FAM3B: variants seen among roughly 807,000 people sequenced by gnomAD.
FAM3B encodes the protein protein FAM3B.
FAM3B carries 29 observed loss-of-function variants against 28.4 expected under a neutral mutation model. The ratio of observed to expected loss-of-function variants is 1.02; its 90% CI spans 0.76 to 1.39. FAM3B has a LOEUF of 1.39. Among genes scored for constraint, FAM3B ranks in the 40% most tolerant of loss-of-function variants. FAM3B has a pLI of 0.00. For synonymous variants in FAM3B, 91 were observed against 103.0 expected (o/e 0.88, Z 0.71); for missense variants, 266 against 293.9 (o/e 0.91, Z 0.69).
At chr21:41,354,192 G>A (rs142471879) in intron 7 of FAM3B, among the ~76,000 whole-genome samples, 19 of 151,424 alleles carry the variant, frequency 1.3e-4, no homozygotes, top group African/African-American at 4.2e-4. Flanking sequence ...GCTGGTGGAA[G>A]TGTAAATTAG....
At chr21:41,307,712 G>C (rs563644504) in intron 1 of FAM3B, among the ~76,000 whole-genome samples, 1 of 152,270 alleles carries the variant, frequency 6.6e-6, no homozygotes, top group African/African-American at 2.4e-5. Context: ...GGGAATAGCT[G>C]GTTAATGGAG....
At chr21:41,310,452 C>T (rs2088703073) in intron 1 of FAM3B, among the ~76,000 whole-genome samples, 1 of 152,186 alleles carries the variant, frequency 6.6e-6, no homozygotes, top group Non-Finnish European at 1.5e-5. Flanking sequence ...GTGAGTGGCA[C>T]AAGTTCCATA....
chr21:41,320,502 C>A (rs547644441), intron 1 of FAM3B: 1 of 152,454 alleles, frequency 6.6e-6, no homozygotes, highest in African/African-American at 2.4e-5. Context: ...TTGTCTGTCA[C>A]CTCCTGGCTA....
chr21:41,353,663 A>G (rs1470804465), intron 7 of FAM3B, among the ~76,000 whole-genome samples: 1 of 152,266 alleles, frequency 6.6e-6, no homozygotes, highest in East Asian at 1.9e-4. Flanking sequence ...TTAAGTAACA[A>G]TAAATCAAAT....
rs1343571287 is a variant in FAM3B at position 41,316,912 on chromosome 21, C to T, written c.19+14C>T. ...CATTGGCTGGTGGTGAGTGCGCCCC[C>T]GCCTCGGGGCGAGGGTAGGGGCGGG... is the stretch of plus-strand genomic sequence containing the variant. On this transcript the variant is annotated intron_variant, in intron 1 of 7. Transcript: ENST00000357985. 2.2e-6 allele frequency: 3 copies of T among 1,356,022 alleles called. No homozygotes were observed. The highest frequency in any genetic ancestry group is 1.5e-5 in the African/African-American group (1 of 66,470). The allele number at this position is 1,356,022 out of a possible 1,614,324, so 84.0% of individuals were successfully genotyped here. A position where few individuals can be genotyped will look rare whatever the true frequency, so the allele number is the denominator to read the frequency against.
chr21:41,338,541 C>T (rs1471189493), intron 3 of FAM3B, 40 bp downstream of exon 3: 1 of 1,610,590 alleles, frequency 6.2e-7, no homozygotes, highest in Non-Finnish European at 8.5e-7. Flanking sequence ...AGCGATCCTA[C>T]TGATTCTTGC....
At chr21:41,347,133 C>T in intron 6 of FAM3B, 33 bp downstream of exon 6, 1 of 1,594,672 alleles carries the variant, frequency 6.3e-7, no homozygotes, top group East Asian at 2.2e-5. Context: ...CAGCGGTGGG[C>T]AAGAGAAGCC....
Position 41,344,543 on chromosome 21 carries a change from C to G in FAM3B, c.346+9C>G, listed in dbSNP as rs752194482. 1 of 1,611,774 alleles carries G rather than the reference C, an allele frequency of 6.2e-7. No individual in the cohort carries two copies. Among genetic ancestry groups the G allele is most frequent in the African/African-American group, 1.3e-5 (1 of 74,882 alleles). ...CATTGCCATTGTCAACTGTAAGTTA[C>G]TAAACATTTTCTTTAAACTTCTCTA... On this transcript the variant is annotated intron_variant, in intron 4 of 7. Transcript: ENST00000357985.
chr21:41,356,564 T>G (rs1446565371), intron 7 of FAM3B, among the ~76,000 whole-genome samples: 1 of 152,186 alleles, frequency 6.6e-6, no homozygotes, highest in African/African-American at 2.4e-5. Flanking sequence ...CCACCATGAG[T>G]TGGGGACCAT....
intron 1 of FAM3B, among the ~76,000 whole-genome samples, chr21:41,310,710 A>G (rs2088704054): frequency 6.6e-6 from 1 of 152,212 alleles, no homozygotes; most frequent in East Asian, 1.9e-4. Context: ...GGACACAGAG[A>G]GCCTCTTGCT....
chr21:41,339,077 T>G (rs1430492722), intron 3 of FAM3B, among the ~76,000 whole-genome samples: 1 of 152,240 alleles, frequency 6.6e-6, no homozygotes, highest in Non-Finnish European at 1.5e-5. Context: ...TGTTTCTGTT[T>G]GCAGTCCATA....
chr21:41,342,070 G>A (rs967237921), intron 3 of FAM3B, among the ~76,000 whole-genome samples: 12 of 152,220 alleles, frequency 7.9e-5, no homozygotes, highest in South Asian at 2.1e-4. Context: ...TCCAGTTTAC[G>A]TTTCTCTGAA....
At position 41,326,838 on chromosome 21, in the gene FAM3B, A is replaced by G. The variant is rs1229513232; in HGVS notation, c.163+3772A>G. Among the ~76,000 whole-genome samples, 4 of 152,250 alleles carry G rather than the reference A, an allele frequency of 2.6e-5. No individual in the cohort carries two copies. In the East Asian group the frequency reaches 7.7e-4, roughly 29 times the overall value. On this transcript the variant is annotated intron_variant, in intron 2 of 7. Coordinates refer to ENST00000357985, the MANE Select transcript of FAM3B (RefSeq NM_058186.4). This position sits in a 1 kb window ranked among gnomAD's most constrained non-coding sequence, Gnocchi z 4.0. ...AGGAGGAACAGGAACAAGTTAGGCT[A>G]GAACCCAGCCCACTGTTCTGCACCT... is the stretch of plus-strand genomic sequence containing the variant.
chr21:41,323,340 T>C (rs745311362), intron 2 of FAM3B, among the ~76,000 whole-genome samples: 33 of 152,218 alleles, frequency 2.2e-4, no homozygotes, highest in Non-Finnish European at 4.1e-4. Context: ...CGCCCAGATC[T>C]TGGCTTCCTC....
chr21:41,345,761 T>G, intron 5 of FAM3B, 25 bp downstream of exon 5: 1 of 1,363,858 alleles, frequency 7.3e-7, no homozygotes, highest in Non-Finnish European at 1.0e-6. Context: ...TCTGTTAAAA[T>G]TCAAATGAAT....
At chr21:41,350,762 C>T (rs913516602) in intron 7 of FAM3B, among the ~76,000 whole-genome samples, 2 of 152,234 alleles carry the variant, frequency 1.3e-5, no homozygotes, top group Non-Finnish European at 2.9e-5. Context: ...TTCACATACA[C>T]ACCCACACTT....
intron 2 of FAM3B, among the ~76,000 whole-genome samples, 178 bp downstream of exon 2, chr21:41,323,244 C>T (rs539234882): frequency 6.6e-6 from 1 of 152,294 alleles, no homozygotes; most frequent in Non-Finnish European, 1.5e-5. Context: ...AGGCACGTGC[C>T]GCTGCTGACC....
intron 1 of FAM3B, chr21:41,319,391 G>T (rs1264803351): frequency 6.6e-6 from 1 of 152,234 alleles, no homozygotes. Context: ...CACTCATCCT[G>T]TCTGCTGGGC....
chr21:41,318,449 C>CCGTCAA (rs1295956981), intron 1 of FAM3B, among the ~76,000 whole-genome samples: 1 of 152,152 alleles, frequency 6.6e-6, no homozygotes, highest in Non-Finnish European at 1.5e-5. Context: ...GGCCTGTGGA[C>CCGTCAA]CGTCAAGGCC....
Sources: gnomAD v4.1 joint callset for allele counts (sites outside exome capture counted in the v4.1 genomes callset) on GRCh38, gnomAD v4.1.1 for gene constraint, Gnocchi (gnomAD v3.1) non-coding constraint, MANE v1.5 for transcripts, NCBI Gene and HGNC (gene_info 2026-07-23, HGNC 2026-07-21) for gene names.